The following TAFA1 variants were observed in gnomAD, a reference collection of about 807,000 sequenced individuals.
TAFA1 encodes the protein chemokine-like protein TAFA-1.
A neutral mutation model predicts 18.5 loss-of-function variants in TAFA1; 4 were observed. The ratio of observed to expected loss-of-function variants is 0.22; its 90% CI spans 0.11 to 0.49. The LOEUF (loss-of-function observed/expected upper bound fraction) is 0.49, where lower values mean the gene tolerates loss of function less well. Ranked by LOEUF, TAFA1 falls within the 20% of genes least tolerant of loss-of-function variation. The probability of loss-of-function intolerance (pLI) is 0.98; values close to 1 mark genes in which losing one functional copy is unlikely to be tolerated. For missense variants in TAFA1, 147 were observed against 169.0 expected (o/e 0.87, Z 0.72); for synonymous variants, 56 against 55.2 (o/e 1.01, Z -0.06).
Position 68,287,003 on chromosome 3 carries a change from C to G in TAFA1, c.119-130277C>G, listed in dbSNP as rs548150106. 2.0e-5 allele frequency among the ~76,000 whole-genome samples: 3 copies of G among 152,246 alleles called. No individual in the cohort carries two copies. In the South Asian group the frequency reaches 6.2e-4, roughly 32 times the overall value. ...GGAAACACAGCAGTTGTGGGGCCCC[C>G]GCAGTCAGCCACAGCACAAAGAAAA... On this transcript the variant is annotated intron_variant, in intron 2 of 4. Coordinates refer to ENST00000478136, the MANE Select transcript of TAFA1 (RefSeq NM_213609.4).
At chr3:68,299,118 G>C (rs2068261446) in intron 2 of TAFA1, among the ~76,000 whole-genome samples, 1 of 152,144 alleles carries the variant, frequency 6.6e-6, no homozygotes, top group African/African-American at 2.4e-5. Flanking sequence ...TGGGGATGAG[G>C]AACTTCTTGG....
intron 2 of TAFA1, among the ~76,000 whole-genome samples, chr3:68,209,722 T>G (rs560815472): frequency 4.6e-5 from 7 of 152,194 alleles, no homozygotes; most frequent in Non-Finnish European, 8.8e-5. Flanking sequence ...ACAACATTAC[T>G]AAAACTTTTT....
At chr3:68,495,727 A>G (rs2106692439) in intron 3 of TAFA1, among the ~76,000 whole-genome samples, 1 of 152,282 alleles carries the variant, frequency 6.6e-6, no homozygotes, top group African/African-American at 2.4e-5. Context: ...GAGGACAGGT[A>G]TCTAAAACAA....
chr3:68,469,351 C>G (rs1157039145), intron 3 of TAFA1, among the ~76,000 whole-genome samples: 1 of 152,200 alleles, frequency 6.6e-6, no homozygotes, highest in African/African-American at 2.4e-5. Flanking sequence ...TGCTCACTTC[C>G]AAGACTGGCT....
intron 2 of TAFA1, among the ~76,000 whole-genome samples, chr3:68,134,894 C>A (rs2065588272): frequency 6.6e-6 from 1 of 152,086 alleles, no homozygotes; most frequent in Non-Finnish European, 1.5e-5. Context: ...TAAAAGAAAC[C>A]CCAAATAATA....
At chr3:68,223,241 C>T (rs1207265197) in intron 2 of TAFA1, among the ~76,000 whole-genome samples, 1 of 152,166 alleles carries the variant, frequency 6.6e-6, no homozygotes, top group African/African-American at 2.4e-5. Context: ...GCTTATTAAA[C>T]TTCTCAATAT....
At chr3:68,026,657 T>C (rs1341370979) in intron 2 of TAFA1, among the ~76,000 whole-genome samples, 1 of 152,102 alleles carries the variant, frequency 6.6e-6, no homozygotes, top group Non-Finnish European at 1.5e-5. Context: ...AAAGTAAATT[T>C]CCCAATGTCT....
chr3:68,523,845 A>AAT (rs1264872903), intron 3 of TAFA1, among the ~76,000 whole-genome samples: 4 of 152,188 alleles, frequency 2.6e-5, no homozygotes, highest in African/African-American at 9.6e-5. Context: ...TTAGGTGCAG[A>AAT]ATACCCAACA....
intron 2 of TAFA1, among the ~76,000 whole-genome samples, chr3:68,195,513 C>G (rs190968700): frequency 6.6e-6 from 1 of 151,314 alleles, no homozygotes; most frequent in East Asian, 2.0e-4. Flanking sequence ...ACTGCCCCAC[C>G]GAAAGGACAT....
rs186889420 is a variant in TAFA1, at chr3:68,159,436, T to C, written c.118+152692T>C. ...TGCCAGAACGTCTGTGGTCAAACAA[T>C]TTAAGAAATTATTAGCAACACTTTC... On this transcript the variant is annotated intron_variant, in intron 2 of 4. Transcript: ENST00000478136. 6.2e-4 allele frequency among the ~76,000 whole-genome samples: 94 copies of C among 152,340 alleles called. 1 individual carries two copies. The highest frequency in any genetic ancestry group is 1.9e-3 in the African/African-American group (80 of 41,578).
intron 3 of TAFA1, among the ~76,000 whole-genome samples, chr3:68,481,383 A>G (rs1422009473): frequency 1.5e-4 from 23 of 152,202 alleles, no homozygotes; most frequent in Admixed American, 1.5e-3. Flanking sequence ...TACCACAAAC[A>G]AGTGGTGTCT....
chr3:68,117,418 A>G (rs2065337242), intron 2 of TAFA1, among the ~76,000 whole-genome samples: 1 of 152,224 alleles, frequency 6.6e-6, no homozygotes, highest in African/African-American at 2.4e-5. Context: ...GGGATGTGAT[A>G]TATTAGAGTA....
At chr3:68,381,068 C>T (rs4349502) in intron 2 of TAFA1, among the ~76,000 whole-genome samples, 53,075 of 53,292 alleles carry the variant, frequency 1, 26,460 homozygotes, top group Middle Eastern at 1. Context: ...TTGTCAAAGA[C>T]CAGATAGTTG....
At chr3:68,106,771 G>A (rs1039382865) in intron 2 of TAFA1, among the ~76,000 whole-genome samples, 1 of 152,076 alleles carries the variant, frequency 6.6e-6, no homozygotes, top group Middle Eastern at 3.4e-3. Flanking sequence ...CAAATGATTT[G>A]AACATATACC....
rs184618780 is a variant in TAFA1 at position 68,232,446 on chromosome 3, C to T, written c.119-184834C>T. 1.1e-4 allele frequency among the ~76,000 whole-genome samples: 17 copies of T among 152,240 alleles called. No individual in the cohort carries two copies. In the East Asian group the frequency reaches 2.5e-3, roughly 22 times the overall value. On this transcript the variant is annotated intron_variant, in intron 2 of 4. Coordinates refer to ENST00000478136, the MANE Select transcript of TAFA1 (RefSeq NM_213609.4). ...CATTGTGTATCACATTTTGTTTATC[C>T]GTTCATCTATTGATGAACACTTTGG...
At chr3:68,447,661 A>C (rs546281730) in intron 3 of TAFA1, among the ~76,000 whole-genome samples, 1 of 152,346 alleles carries the variant, frequency 6.6e-6, no homozygotes, top group South Asian at 2.1e-4. Context: ...GAGTAGTGTA[A>C]CTAAAAACCA....
At chr3:68,519,137 C>T (rs1049159188) in intron 3 of TAFA1, among the ~76,000 whole-genome samples, 6 of 152,148 alleles carry the variant, frequency 3.9e-5, no homozygotes, top group African/African-American at 1.2e-4. Context: ...ACCCTCAATT[C>T]GTATGTTAAA....
intron 2 of TAFA1, among the ~76,000 whole-genome samples, chr3:68,114,936 A>C (rs1481660393): frequency 3.3e-5 from 5 of 152,238 alleles, no homozygotes; most frequent in Non-Finnish European, 7.3e-5. Flanking sequence ...GATTTAAAGA[A>C]TGCCTGCTAT....
At chr3:68,514,340 T>G (rs1328928748) in intron 3 of TAFA1, among the ~76,000 whole-genome samples, 1 of 152,184 alleles carries the variant, frequency 6.6e-6, no homozygotes, top group Non-Finnish European at 1.5e-5. Flanking sequence ...TTTGCATACC[T>G]CCAACTTTGA....
Sources: allele counts gnomAD v4.1 joint callset (sites outside exome capture counted in the v4.1 genomes callset), GRCh38; gene constraint gnomAD v4.1.1; transcripts MANE v1.5; gene names NCBI Gene and HGNC (gene_info 2026-07-23, HGNC 2026-07-21).